NCOA6: variants seen among roughly 807,000 people sequenced by gnomAD.
NCOA6 encodes the protein NRC RAP250.
A neutral mutation model predicts 171.4 loss-of-function variants in NCOA6; 49 were observed. That is an observed-to-expected ratio of 0.29 (90% CI 0.23 to 0.36). The LOEUF is 0.36. NCOA6 is among the 10% of genes least tolerant of loss of function. The pLI, the probability that NCOA6 is intolerant of heterozygous loss-of-function variation, is 1.00. For missense variants in NCOA6, 2,248 were observed against 2,554.5 expected (o/e 0.88, Z 2.59); for synonymous variants, 910 against 927.5 (o/e 0.98, Z 0.34).
intron 14 of NCOA6, among the ~76,000 whole-genome samples, chr20:34,719,810 T>G (rs183364697): frequency 4.3e-4 from 65 of 152,318 alleles, no homozygotes; most frequent in South Asian, 2.9e-3. Context: ...TTTGCATGGT[T>G]GGTTTCAAAA....
At chr20:34,784,624 T>TA (rs200744021) in intron 2 of NCOA6, among the ~76,000 whole-genome samples, 1,527 of 151,896 alleles carry the variant, frequency 0.01, 24 homozygotes, top group African/African-American at 0.034. Context: ...CTACAAAAAA[T>TA]AAAAAAATTA....
At chr20:34,755,320 AGATT>A (rs1192215505) in intron 7 of NCOA6, among the ~76,000 whole-genome samples, 3 of 152,368 alleles carry the variant, frequency 2.0e-5, no homozygotes, top group East Asian at 1.9e-4. Flanking sequence ...TATTAAGGAT[AGATT>A]GATTATTTTT....
Position 34,803,348 on chromosome 20 carries a change from A to T in NCOA6, c.-163-10785T>A, listed in dbSNP as rs972098790. 4.0e-5 allele frequency among the ~76,000 whole-genome samples: 6 copies of T among 151,798 alleles called. No individual in the cohort carries two copies. The East Asian group carries it at 1.2e-3, about 30-fold the overall frequency. On this transcript the variant is annotated intron_variant, in intron 1 of 14. Transcript: ENST00000359003. ...CAGGGTGTGGTGGCCTGCACCTGTAATCCCAGCTGCTCGGGAGACTGAGGC... is the reference window on the plus strand; with the variant it reads ...CAGGGTGTGGTGGCCTGCACCTGTATTCCCAGCTGCTCGGGAGACTGAGGC...
At position 34,825,214 on chromosome 20, in the gene NCOA6, C is replaced by A. The variant is rs377390623; in HGVS notation, c.-164+258G>T. The stretch of plus-strand genomic sequence containing the variant: ...GCCCCCGCGCCCAGCACCCTCCCCA[C>A]CCAGCCCGGCCGCCGCTCCCTCCAG... On this transcript the variant is annotated intron_variant, in intron 1 of 14. Coordinates refer to ENST00000359003, the MANE Select transcript of NCOA6 (RefSeq NM_014071.5). 4.2e-3 allele frequency among the ~76,000 whole-genome samples: 642 copies of A among 151,942 alleles called. 2 individuals are homozygous for A. Among genetic ancestry groups the A allele is most frequent in the African/African-American group, 0.015 (614 of 41,504 alleles).
In NCOA6 at chr20:34,715,625, G is replaced by GGA. The variant is rs777931410; in HGVS notation, c.6149-262_6149-261dup. Among the ~76,000 whole-genome samples, 149 of 152,338 alleles carry GGA rather than the reference G, an allele frequency of 9.8e-4. 3 individuals are homozygous for GGA. Among genetic ancestry groups the GGA allele is most frequent in the Non-Finnish European group, 2.9e-4 (20 of 68,030 alleles). The stretch of plus-strand genomic sequence containing the variant: ...ACACTGACTAGAGAAAGTGCAGGGT[G>GGA]GAGAGAGCCTTTGTAGCTGGGCAAT... On this transcript the variant is annotated intron_variant, in intron 14 of 14. Coordinates refer to ENST00000359003, the MANE Select transcript of NCOA6 (RefSeq NM_014071.5).
chr20:34,729,345 T>C (rs377518352), intron 13 of NCOA6, among the ~76,000 whole-genome samples: 1 of 152,328 alleles, frequency 6.6e-6, no homozygotes, highest in South Asian at 2.1e-4. Flanking sequence ...GTGAATATTG[T>C]TGAGTTGTAG....
At chr20:34,773,569 G>A (rs1266587392) in intron 4 of NCOA6, among the ~76,000 whole-genome samples, 2 of 148,432 alleles carry the variant, frequency 1.3e-5, no homozygotes, top group Non-Finnish European at 3.0e-5. Context: ...CGACACCCAG[G>A]CTGGAGTGCA....
At position 34,749,467 on chromosome 20, in the gene NCOA6, T is replaced by C. The variant is rs1473752295; in HGVS notation, c.2728A>G (p.Asn910Asp). Residue 910 changes from asparagine to aspartate, a missense_variant, in exon 9 of 15, where the codon AAC becomes GAC. This residue lies in a region of NCOA6 where 352 missense variants were observed against 419.1 expected (regional missense o/e 0.84). Transcript: ENST00000359003. ...FGVNNKQNNTNANKPKKKKPP... is the reference protein window; with the variant it reads ...FGVNNKQNNTDANKPKKKKPP... ...TTCTTCTTCTTCGGTTTATTTGCGT[T>C]GGTATTATTTTGCTTATTGTTTACC... 6 of 1,614,032 alleles carry C rather than the reference T, an allele frequency of 3.7e-6. No homozygotes were observed. The African/African-American group carries it at 8.0e-5, about 22-fold the overall frequency.
rs747262693 is a variant in NCOA6, at chr20:34,741,550, G to C, written c.4706C>G (p.Ser1569Cys). 4.2e-5 allele frequency: 68 copies of C among 1,614,086 alleles called. No homozygotes were observed. The highest frequency in any genetic ancestry group is 5.4e-5 in the Non-Finnish European group (64 of 1,180,058). Residue 1569 changes from serine (S) to cysteine (C), a missense_variant, in exon 11 of 15, where the codon TCT becomes TGT. Transcript: ENST00000359003. ...TGGAGGGATGCTTGGTGCAACGTTA[G>C]AACTGACCTCACTCAATTCGGGATG... ...LVHPELSEVS[S>C]NVAPSIPPVM...
chr20:34,718,468 T>A (rs1393965327), intron 14 of NCOA6, among the ~76,000 whole-genome samples: 1 of 151,876 alleles, frequency 6.6e-6, no homozygotes, highest in Non-Finnish European at 1.5e-5. Context: ...CTCTAATGAA[T>A]AGGCAAATCA....
intron 10 of NCOA6, among the ~76,000 whole-genome samples, chr20:34,744,593 CAATT>C (rs2076248818): frequency 6.6e-6 from 1 of 152,202 alleles, no homozygotes. Context: ...ACTCAGCACT[CAATT>C]AATGTCTTCT....
intron 5 of NCOA6, among the ~76,000 whole-genome samples, chr20:34,761,486 TG>T (rs1339159002): frequency 6.6e-6 from 1 of 152,036 alleles, no homozygotes; most frequent in East Asian, 1.9e-4. Flanking sequence ...TTTTTTTTTT[TG>T]CCACTGACTT....
In NCOA6 at chr20:34,746,930, T is replaced by TAAAAAAA; in HGVS notation, c.2793-9_2793-3dup. 2 of 1,138,192 alleles carry TAAAAAAA rather than the reference T, an allele frequency of 1.8e-6. No individual in the cohort carries two copies. Among genetic ancestry groups the TAAAAAAA allele is most frequent in the East Asian group, 3.3e-5 (1 of 29,972 alleles). The allele number at this position is 1,138,192 out of a possible 1,614,324, so 70.5% of individuals were successfully genotyped here. ...CCAGCTGGGCGAGTATCTGGGGTGC[T>TAAAAAAA]AAAAAAAAAAAAAAAAAAAAAAGTG... is the stretch of plus-strand genomic sequence containing the variant. On this transcript the variant is annotated splice_polypyrimidine_tract_variant and splice_region_variant and intron_variant, in intron 9 of 14. Transcript: ENST00000359003.
chr20:34,806,423 C>T (rs1469102000), intron 1 of NCOA6, among the ~76,000 whole-genome samples: 1 of 152,158 alleles, frequency 6.6e-6, no homozygotes, highest in African/African-American at 2.4e-5. Flanking sequence ...ATCCTATTTG[C>T]CAGCTTTTGT....
At chr20:34,770,206 A>ATT (rs2077106206) in intron 4 of NCOA6, among the ~76,000 whole-genome samples, 1 of 151,942 alleles carries the variant, frequency 6.6e-6, no homozygotes, top group Non-Finnish European at 1.5e-5. Flanking sequence ...CAAGCAGCTA[A>ATT]TTTTTGTATT....
At position 34,737,571 on chromosome 20, in the gene NCOA6, G is replaced by T. The variant is rs991386092; in HGVS notation, c.5894-813C>A. Among the ~76,000 whole-genome samples the T allele has an allele frequency of 2.0e-5, 3 of 152,200 alleles. No individual in the cohort carries two copies. The East Asian group carries it at 5.8e-4, about 29-fold the overall frequency. On this transcript the variant is annotated intron_variant, in intron 11 of 14. Coordinates refer to ENST00000359003, the MANE Select transcript of NCOA6 (RefSeq NM_014071.5). ...TTAAAGGGAGAAACATCAGAATCAGGCTTCAAAGGACACAGAGAACTTAGG... is the reference window on the plus strand; with the variant it reads ...TTAAAGGGAGAAACATCAGAATCAGTCTTCAAAGGACACAGAGAACTTAGG...
intron 9 of NCOA6, among the ~76,000 whole-genome samples, chr20:34,748,385 C>G (rs187538819): frequency 6.6e-6 from 1 of 152,106 alleles, no homozygotes; most frequent in Non-Finnish European, 1.5e-5. Context: ...TAATACAGTA[C>G]AAAGAATGTT....
At chr20:34,758,439 T>C (rs1302709528) in intron 6 of NCOA6, among the ~76,000 whole-genome samples, 1 of 152,194 alleles carries the variant, frequency 6.6e-6, no homozygotes, top group African/African-American at 2.4e-5. Context: ...CTTAGATGCG[T>C]TTCTTCACTG....
chr20:34,742,933 T>C lies in NCOA6; in HGVS notation c.3323A>G (p.Asn1108Ser). The C allele has an allele frequency of 6.2e-7, 1 of 1,614,132 alleles. No homozygotes were observed. Among genetic ancestry groups the C allele is most frequent in the African/African-American group, 1.3e-5 (1 of 75,040 alleles). Residue 1108 changes from asparagine (N) to serine (S), a missense_variant, in exon 11 of 15, where the codon AAT becomes AGT. By Grantham distance (46) the Asn-to-Ser change is conservative. Coordinates refer to ENST00000359003, the MANE Select transcript of NCOA6 (RefSeq NM_014071.5). ...CTCCTGATAGACCATTTTCCTTGAA[T>C]TGCTTCCCAAGGGAGTATTCACAGG... ...PMPVNTPLGSNSRKMVYQESP... is the reference protein window; with the variant it reads ...PMPVNTPLGSSSRKMVYQESP...
Sources: gnomAD v4.1 joint callset for allele counts (sites outside exome capture counted in the v4.1 genomes callset) on GRCh38, gnomAD v4.1.1 for gene constraint, gnomAD v4.1.1 regional missense constraint, MANE v1.5 for transcripts, NCBI Gene and HGNC (gene_info 2026-07-23, HGNC 2026-07-21) for gene names.